GABRG1: variants seen among roughly 807,000 people sequenced by gnomAD.
GABRG1 encodes the protein gamma-aminobutyric acid type A receptor subunit gamma1.
GABRG1 carries 49 observed loss-of-function variants against 49.8 expected under a neutral mutation model. The ratio of observed to expected loss-of-function variants is 0.98; its 90% CI spans 0.78 to 1.25. GABRG1 has a LOEUF of 1.25. Ranked by LOEUF, GABRG1 falls within the 50% of genes most tolerant of loss-of-function variation. The probability of loss-of-function intolerance (pLI) is 0.00; values close to 1 mark genes in which losing one functional copy is unlikely to be tolerated. For missense variants in GABRG1, 552 were observed against 552.3 expected (o/e 1.00, Z 0.01); for synonymous variants, 232 against 185.1 (o/e 1.25, Z -2.06).
intron 1 of GABRG1, among the ~76,000 whole-genome samples, chr4:46,120,566 C>A (rs1386340582): frequency 6.6e-6 from 1 of 151,662 alleles, no homozygotes; most frequent in Non-Finnish European, 1.5e-5. Flanking sequence ...CATGGAATAT[C>A]TTTACTTAGT....
At chr4:46,064,341 C>T (rs1718825175) in intron 5 of GABRG1, 100 bp downstream of exon 5, 1 of 634,308 alleles carries the variant, frequency 1.6e-6, no homozygotes, top group East Asian at 3.3e-5. Flanking sequence ...ACATAACTCA[C>T]ACTTTTGAAA....
At chr4:46,100,476 TA>T (rs34941036) in intron 1 of GABRG1, among the ~76,000 whole-genome samples, 88,585 of 150,132 alleles carry the variant, frequency 0.59, 27,065 homozygotes, top group African/African-American at 0.74. Context: ...AAAATAAAAG[TA>T]AAAAAAAAAT....
At chr4:46,063,638 A>G (rs1329352360) in intron 5 of GABRG1, among the ~76,000 whole-genome samples, 7 of 152,282 alleles carry the variant, frequency 4.6e-5, no homozygotes, top group African/African-American at 1.4e-4. Context: ...TTCATGTCTA[A>G]AACACCAAAA....
chr4:46,090,257 C>G (rs893877757), intron 2 of GABRG1, among the ~76,000 whole-genome samples: 3 of 151,956 alleles, frequency 2.0e-5, no homozygotes, highest in South Asian at 4.1e-4. Context: ...ACATATTTAA[C>G]CTAATGTATT....
At chr4:46,073,213 T>C (rs1719203853) in intron 3 of GABRG1, among the ~76,000 whole-genome samples, 1 of 152,024 alleles carries the variant, frequency 6.6e-6, no homozygotes, top group African/African-American at 2.4e-5. Flanking sequence ...TTCATTTGCT[T>C]TCCAGATTCC....
intron 3 of GABRG1, among the ~76,000 whole-genome samples, chr4:46,080,672 T>C (rs1368449557): frequency 6.6e-6 from 1 of 151,842 alleles, no homozygotes; most frequent in Non-Finnish European, 1.5e-5. Flanking sequence ...AAAGTGTTTC[T>C]AGAATACCAA....
Position 46,065,498 on chromosome 4 carries a change from GT to G in GABRG1, c.407del (p.Asn136ThrfsTer26). 6.3e-7 allele frequency: 1 copy of G among 1,592,968 alleles called. No individual in the cohort carries two copies. Among genetic ancestry groups the G allele is most frequent in the Non-Finnish European group, 8.6e-7 (1 of 1,165,030 alleles). Reference sequence around the variant, plus strand: ...TCCAAATTTTTCCAACCATATTACTGTTAAGCATAAGCACTTTCATGGTACT... The same window carrying G: ...TCCAAATTTTTCCAACCATATTACTGTAAGCATAAGCACTTTCATGGTACT... The part of the protein sequence containing the change: ...FNSTMKVLML[N>X]SNMVGKIWIP... On this transcript the variant is annotated frameshift_variant, in exon 4 of 9. Coordinates refer to ENST00000295452, the MANE Select transcript of GABRG1 (RefSeq NM_173536.4). LOFTEE classifies it high-confidence loss of function.
At chr4:46,041,631 G>A (rs540356765) in intron 8 of GABRG1, among the ~76,000 whole-genome samples, 6 of 151,400 alleles carry the variant, frequency 4.0e-5, no homozygotes, top group African/African-American at 1.2e-4. Flanking sequence ...ATTATTTATC[G>A]ACTTTAATAA....
chr4:46,056,124 G>GAAAAAAAAAAA (rs1169065450), intron 7 of GABRG1, among the ~76,000 whole-genome samples: 1 of 7,648 alleles, frequency 1.3e-4, no homozygotes, highest in Non-Finnish European at 2.1e-4. Context: ...AAAAAGAAAG[G>GAAAAAAAAAAA]AAAAAAAAAA....
At chr4:46,099,018 T>C (rs1720286673) in intron 1 of GABRG1, among the ~76,000 whole-genome samples, 1 of 151,714 alleles carries the variant, frequency 6.6e-6, no homozygotes, top group Non-Finnish European at 1.5e-5. Context: ...AAAATTTTAC[T>C]TTCAAAGAAT....
At chr4:46,050,437 A>T (rs915834302) in intron 8 of GABRG1, among the ~76,000 whole-genome samples, 1 of 151,882 alleles carries the variant, frequency 6.6e-6, no homozygotes, top group Non-Finnish European at 1.5e-5. Flanking sequence ...CCTAGAACTT[A>T]AAAAGTTAGA....
chr4:46,037,025 C>A lies in GABRG1; in HGVS notation c.*3963G>T, dbSNP rs776315418. 6.6e-6 allele frequency: 1 copy of A among 151,764 alleles called. No individual in the cohort carries two copies. Among genetic ancestry groups the A allele is most frequent in the Admixed American group, 6.6e-5 (1 of 15,182 alleles). The allele number at this position is 151,764 out of a possible 1,614,324, so 9.4% of individuals were successfully genotyped here. A position where few individuals can be genotyped will look rare whatever the true frequency, so the allele number is the denominator to read the frequency against. On this transcript the variant is annotated 3_prime_UTR_variant, in exon 9 of 9. Coordinates refer to ENST00000295452, the MANE Select transcript of GABRG1 (RefSeq NM_173536.4). Reference sequence around the variant, plus strand: ...CCCAGTTGGAAATTGTGATCTCTCTCCCTCTTACCTGTTGAATCCCCAGCT... The same window carrying A: ...CCCAGTTGGAAATTGTGATCTCTCTACCTCTTACCTGTTGAATCCCCAGCT...
rs889326203 is a variant in GABRG1, at chr4:46,087,782, T to C, written c.254-3729A>G. On this transcript the variant is annotated intron_variant, in intron 2 of 8. Coordinates refer to ENST00000295452, the MANE Select transcript of GABRG1 (RefSeq NM_173536.4). ...CCCAAAGATAGATACCAAGCTCGAGTTTAGATACTTCTTGTGAGACCTTAA... is the reference window on the plus strand; with the variant it reads ...CCCAAAGATAGATACCAAGCTCGAGCTTAGATACTTCTTGTGAGACCTTAA... 3.3e-5 allele frequency among the ~76,000 whole-genome samples: 5 copies of C among 151,756 alleles called. No homozygotes were observed. In the East Asian group the frequency reaches 9.7e-4, roughly 29 times the overall value.
chr4:46,082,368 C>T lies in GABRG1; in HGVS notation c.321+1618G>A, dbSNP rs1221976764. ...ACCTTCTCTACTCCCATACTCTTAT[C>T]TCATCTTCTTCTAAGCCATGTTTCT... On this transcript the variant is annotated intron_variant, in intron 3 of 8. Transcript: ENST00000295452. Among the ~76,000 whole-genome samples the T allele has an allele frequency of 2.6e-5, 4 of 151,472 alleles. No individual in the cohort carries two copies. The Admixed American group carries it at 2.7e-4, about 10-fold the overall frequency.
chr4:46,100,405 G>A (rs1311086335), intron 1 of GABRG1, among the ~76,000 whole-genome samples: 2 of 151,266 alleles, frequency 1.3e-5, no homozygotes, highest in African/African-American at 4.9e-5. Flanking sequence ...GAAATAAGCT[G>A]TAAAACAAGC....
chr4:46,112,070 A>G (rs565877455), intron 1 of GABRG1, among the ~76,000 whole-genome samples: 19 of 151,562 alleles, frequency 1.3e-4, no homozygotes, highest in Middle Eastern at 6.8e-3. Context: ...ATAATGAGAG[A>G]AAATATTTGC....
chr4:46,085,577 TC>T, intron 2 of GABRG1, among the ~76,000 whole-genome samples: 1 of 151,666 alleles, frequency 6.6e-6, no homozygotes, highest in Admixed American at 6.6e-5. Context: ...GATCCTTGAA[TC>T]TGCAGCAGCA....
intron 7 of GABRG1, among the ~76,000 whole-genome samples, chr4:46,052,925 G>C (rs1349879010): frequency 6.6e-6 from 1 of 151,534 alleles, no homozygotes; most frequent in Non-Finnish European, 1.5e-5. Flanking sequence ...TCATTTCTTA[G>C]GATTGGAGAA....
intron 8 of GABRG1, among the ~76,000 whole-genome samples, chr4:46,045,542 G>A (rs999777442): frequency 3.3e-5 from 5 of 151,528 alleles, no homozygotes; most frequent in African/African-American, 7.3e-5. Context: ...CACAGAAAAT[G>A]TACGACTCCT....
Sources: gnomAD v4.1 joint callset for allele counts (sites outside exome capture counted in the v4.1 genomes callset) on GRCh38, gnomAD v4.1.1 for gene constraint, MANE v1.5 for transcripts, NCBI Gene and HGNC (gene_info 2026-07-23, HGNC 2026-07-21) for gene names.